SOX6: variants seen among roughly 807,000 people sequenced by gnomAD.
SOX6 encodes the protein SRY-box transcription factor 6.
SOX6 carries 11 observed loss-of-function variants against 97.8 expected under a neutral mutation model. The observed-to-expected ratio is 0.11, with a 90% CI of 0.07 to 0.19. The LOEUF (loss-of-function observed/expected upper bound fraction) is 0.19, where lower values mean the gene tolerates loss of function less well. Among genes scored for constraint, SOX6 ranks in the 10% least tolerant of loss-of-function variants. SOX6 has a pLI of 1.00. For missense variants in SOX6, 810 were observed against 1,039.5 expected, an observed-to-expected ratio of 0.78 and a Z score of 3.04; for synonymous variants, 360 against 371.4, an observed-to-expected ratio of 0.97 and a Z score of 0.35.
At chr11:16,369,903 A>G (rs1857457199) in intron 1 of SOX6, among the ~76,000 whole-genome samples, 1 of 152,136 alleles carries the variant, frequency 6.6e-6, no homozygotes, top group African/African-American at 2.4e-5. Context: ...TCCTTCCTCT[A>G]ACTACTGTCC....
intron 1 of SOX6, among the ~76,000 whole-genome samples, chr11:16,439,975 C>T (rs1859472163): frequency 6.6e-6 from 1 of 151,856 alleles, no homozygotes; most frequent in Non-Finnish European, 1.5e-5. Flanking sequence ...ATCTATTGCA[C>T]ACTTTAAGTT....
chr11:16,240,992 A>G (rs933604963), intron 3 of SOX6, among the ~76,000 whole-genome samples: 1 of 71,718 alleles, frequency 1.4e-5, no homozygotes, highest in African/African-American at 4.8e-5. Context: ...TGCTTCAGAT[A>G]TGAAGTAAGA....
At chr11:16,294,264 A>C (rs1221307801) in intron 3 of SOX6, among the ~76,000 whole-genome samples, 2 of 152,084 alleles carry the variant, frequency 1.3e-5, no homozygotes, top group Non-Finnish European at 2.9e-5. Context: ...TTAATGTAAT[A>C]AACAGTAAAT....
intron 1 of SOX6, among the ~76,000 whole-genome samples, chr11:16,427,208 T>A (rs1053136845): frequency 5.9e-5 from 9 of 151,804 alleles, no homozygotes; most frequent in East Asian, 1.9e-4. Flanking sequence ...TGGGAAAAAA[T>A]TTTTGGAAAC....
At chr11:16,563,212 G>C (rs1450575710) in intron 4 of SOX6, among the ~76,000 whole-genome samples, 1 of 151,412 alleles carries the variant, frequency 6.6e-6, no homozygotes, top group East Asian at 1.9e-4. Context: ...CAGAGAAGTA[G>C]AAAACATAAA....
At chr11:16,477,341 A>G (rs1860271520), upstream of SOX6, among the ~76,000 whole-genome samples, 2 of 152,184 alleles carry the variant, frequency 1.3e-5, no homozygotes, top group Admixed American at 6.5e-5. Context: ...TTTAAATAAA[A>G]TCCTTCTGAA....
chr11:16,625,819 C>G (rs1436382862), intron 3 of SOX6, among the ~76,000 whole-genome samples: 1 of 152,196 alleles, frequency 6.6e-6, no homozygotes, highest in Non-Finnish European at 1.5e-5. Context: ...CACACCCTTT[C>G]CCTGTGCATC....
chr11:16,507,229 T>G, intron 4 of SOX6, among the ~76,000 whole-genome samples: 1 of 152,130 alleles, frequency 6.6e-6, no homozygotes, highest in Non-Finnish European at 1.5e-5. Flanking sequence ...GAAGCCTGTA[T>G]AGCCTGCAAA....
chr11:16,556,310 AAATAT>A (rs1847748117), intron 4 of SOX6, among the ~76,000 whole-genome samples: 1 of 151,786 alleles, frequency 6.6e-6, no homozygotes, highest in Non-Finnish European at 1.5e-5. Context: ...AAATAAATGG[AAATAT>A]GGCCTAAAGC....
intron 12 of SOX6, among the ~76,000 whole-genome samples, chr11:16,044,519 G>T (rs1206176527): frequency 6.6e-6 from 1 of 152,020 alleles, no homozygotes; most frequent in African/African-American, 2.4e-5. Flanking sequence ...AAAAAGTAGT[G>T]CCCCATGGAA....
intron 4 of SOX6, among the ~76,000 whole-genome samples, chr11:16,550,906 T>C (rs747935002): frequency 1.3e-5 from 2 of 151,840 alleles, no homozygotes; most frequent in Non-Finnish European, 2.9e-5. Flanking sequence ...ATGAAACAAA[T>C]AGGAAAAAAA....
intron 3 of SOX6, among the ~76,000 whole-genome samples, chr11:16,280,658 T>C (rs1021677524): frequency 2.0e-5 from 3 of 152,114 alleles, no homozygotes; most frequent in African/African-American, 4.8e-5. Flanking sequence ...TCAAACTGTG[T>C]TTCCCTATAG....
At chr11:16,429,806 T>C (rs138214443) in intron 1 of SOX6, among the ~76,000 whole-genome samples, 1 of 152,188 alleles carries the variant, frequency 6.6e-6, no homozygotes, top group Non-Finnish European at 1.5e-5. Flanking sequence ...AACAAACATG[T>C]ACACTTGAAT....
chr11:16,064,094 G>A (rs991766298), intron 9 of SOX6, among the ~76,000 whole-genome samples: 4 of 151,680 alleles, frequency 2.6e-5, no homozygotes, highest in Admixed American at 2.0e-4. Flanking sequence ...AGCACCACCA[G>A]TCACCTTGAA....
chr11:16,217,308 A>G (rs191497925), intron 4 of SOX6, among the ~76,000 whole-genome samples: 2 of 152,286 alleles, frequency 1.3e-5, no homozygotes, highest in Admixed American at 1.3e-4. Flanking sequence ...GTGTTTGAAC[A>G]GTAGAGGTGG....
At chr11:16,225,172 G>C (rs1852649779) in intron 4 of SOX6, among the ~76,000 whole-genome samples, 1 of 151,902 alleles carries the variant, frequency 6.6e-6, no homozygotes, top group Admixed American at 6.6e-5. Flanking sequence ...TATAAAATCT[G>C]AACATTGATA....
chr11:16,625,280 A>G (rs759346832), intron 3 of SOX6, among the ~76,000 whole-genome samples: 5 of 151,688 alleles, frequency 3.3e-5, no homozygotes, highest in Non-Finnish European at 7.4e-5. Flanking sequence ...TCTTTCACAT[A>G]AAAGACTTTA....
intron 13 of SOX6, among the ~76,000 whole-genome samples, chr11:16,001,997 G>A (rs1854420073): frequency 6.6e-6 from 1 of 152,118 alleles, no homozygotes; most frequent in South Asian, 2.1e-4. Flanking sequence ...ACATCCATAT[G>A]GAGCCAATTG....
chr11:16,289,138 A>G (rs556261938), intron 3 of SOX6, among the ~76,000 whole-genome samples: 8 of 152,148 alleles, frequency 5.3e-5, no homozygotes, highest in African/African-American at 1.9e-4. Context: ...ATTTTCCATT[A>G]GCTATTTGTA....
Sources: allele counts gnomAD v4.1 joint callset (sites outside exome capture counted in the v4.1 genomes callset), GRCh38; gene constraint gnomAD v4.1.1; transcripts MANE v1.5; gene names NCBI Gene and HGNC (gene_info 2026-07-23, HGNC 2026-07-21).